Variants in BBS9 observed in about 807,000 individuals in gnomAD.
BBS9 encodes protein PTHB1.
In BBS9, 89 loss-of-function variants were observed where a neutral mutation model predicts 117.7. The ratio of observed to expected loss-of-function variants is 0.76; its 90% CI spans 0.64 to 0.90. BBS9 has a LOEUF of 0.90. Among genes scored for constraint, BBS9 ranks in the 40% least tolerant of loss-of-function variants. The pLI is 0.00. For missense variants in BBS9, 982 were observed against 1,042.2 expected, an observed-to-expected ratio of 0.94 and a Z score of 0.80; for synonymous variants, 379 against 370.9, an observed-to-expected ratio of 1.02 and a Z score of -0.25.
chr7:33,210,345 G>A (rs990646195), intron 5 of BBS9, among the ~76,000 whole-genome samples: 2 of 152,176 alleles, frequency 1.3e-5, no homozygotes, highest in Admixed American at 6.5e-5. Context: ...TCCATATGCT[G>A]AGGAGAAGAA....
chr7:33,387,357 G>A (rs1826212102), intron 18 of BBS9, among the ~76,000 whole-genome samples: 3 of 152,046 alleles, frequency 2.0e-5, no homozygotes, highest in Admixed American at 2.0e-4. Context: ...ATTTCTGTTA[G>A]GTTGTGGTCT....
intron 9 of BBS9, among the ~76,000 whole-genome samples, chr7:33,284,803 G>T (rs1313351554): frequency 6.6e-6 from 1 of 152,052 alleles, no homozygotes; most frequent in East Asian, 1.9e-4. Context: ...AGAAACCACG[G>T]CACTGGTTTT....
At chr7:33,191,741 A>C (rs543608290) in intron 5 of BBS9, among the ~76,000 whole-genome samples, 1 of 152,346 alleles carries the variant, frequency 6.6e-6, no homozygotes, top group Non-Finnish European at 1.5e-5. Context: ...ATCATTTGTC[A>C]TGATTTTAGG....
intron 9 of BBS9, among the ~76,000 whole-genome samples, chr7:33,276,304 G>A (rs1403030002): frequency 6.6e-6 from 1 of 152,166 alleles, no homozygotes; most frequent in African/African-American, 2.4e-5. Context: ...TAAGCTGTAT[G>A]CTACAGTTAT....
intron 20 of BBS9, among the ~76,000 whole-genome samples, chr7:33,507,707 A>T (rs1298538564): frequency 6.6e-6 from 1 of 152,232 alleles, no homozygotes; most frequent in Non-Finnish European, 1.5e-5. Flanking sequence ...GAAAACTAAC[A>T]AATGGTGACC....
intron 21 of BBS9, among the ~76,000 whole-genome samples, chr7:33,558,971 C>T (rs1365709581): frequency 6.6e-6 from 1 of 152,184 alleles, no homozygotes; most frequent in Non-Finnish European, 1.5e-5. Flanking sequence ...CATTCCTGAC[C>T]TTCTTCCCCT....
At chr7:33,539,565 A>G (rs1851949997) in intron 21 of BBS9, among the ~76,000 whole-genome samples, 3 of 152,262 alleles carry the variant, frequency 2.0e-5, no homozygotes. Flanking sequence ...TGCATACTCA[A>G]CTTTGGCCTT....
At chr7:33,516,547 G>GAAAT (rs1847848318) in intron 20 of BBS9, among the ~76,000 whole-genome samples, 2 of 130,690 alleles carry the variant, frequency 1.5e-5, no homozygotes, top group African/African-American at 5.7e-5. Flanking sequence ...ACAGAGTAAA[G>GAAAT]AAATTATCAC....
intron 14 of BBS9, 194 bp downstream of exon 14, chr7:33,351,517 C>T (rs547403773): frequency 1.5e-5 from 9 of 603,288 alleles, no homozygotes; most frequent in African/African-American, 1.3e-4. Context: ...TAGCTGATTT[C>T]CATATGTAAT....
intron 19 of BBS9, among the ~76,000 whole-genome samples, chr7:33,407,760 T>G (rs1830310340): frequency 2.0e-5 from 3 of 152,206 alleles, no homozygotes; most frequent in African/African-American, 4.8e-5. Context: ...ATTTTTGTGA[T>G]CCGCCAATGC....
chr7:33,393,166 AAAACAAACAAAC>A (rs752090932), intron 19 of BBS9, among the ~76,000 whole-genome samples: 190 of 152,248 alleles, frequency 1.2e-3, no homozygotes, highest in African/African-American at 4.4e-3. Flanking sequence ...ACCCTGTCTC[AAAACAAACAAAC>A]AAACAAACAA....
chr7:33,557,597 G>A (rs1233980195), intron 21 of BBS9, among the ~76,000 whole-genome samples: 1 of 152,168 alleles, frequency 6.6e-6, no homozygotes, highest in African/African-American at 2.4e-5. Context: ...GACCATGCCA[G>A]CTGATGAGGG....
At chr7:33,193,610 C>T (rs10240664) in intron 5 of BBS9, among the ~76,000 whole-genome samples, 24,256 of 151,934 alleles carry the variant, frequency 0.16, 2,219 homozygotes, top group South Asian at 0.26. Flanking sequence ...TCCTGACGTA[C>T]TGTTTTGACG....
chr7:33,262,804 C>T (rs1007454518), intron 6 of BBS9, among the ~76,000 whole-genome samples: 2 of 152,150 alleles, frequency 1.3e-5, no homozygotes, highest in Non-Finnish European at 2.9e-5. Context: ...TCTTTACCAG[C>T]GTGATAGAAT....
chr7:33,326,237 CT>C (rs1287522481), intron 9 of BBS9, among the ~76,000 whole-genome samples: 23 of 151,436 alleles, frequency 1.5e-4, no homozygotes, highest in Non-Finnish European at 2.1e-4. Flanking sequence ...CTCCCCTCCC[CT>C]CCCCCTCCCC....
At chr7:33,526,066 G>A (rs983654246) in intron 20 of BBS9, among the ~76,000 whole-genome samples, 1 of 151,506 alleles carries the variant, frequency 6.6e-6, no homozygotes, top group African/African-American at 2.4e-5. Context: ...TAAGAATGTT[G>A]AATATTGGCC....
chr7:33,148,892 G>A (rs1420457043), intron 2 of BBS9, among the ~76,000 whole-genome samples: 1 of 152,178 alleles, frequency 6.6e-6, no homozygotes, highest in Admixed American at 6.5e-5. Flanking sequence ...CCAAAGTGCT[G>A]GGATTATTGG....
Position 33,350,593 on chromosome 7 carries a change from T to C in BBS9, c.1433-626T>C, listed in dbSNP as rs576508010. Reference sequence around the variant, plus strand: ...GATAAATTGCTATTTTCCTCCCAAATTCTCTTGCCCTTTTGTGTACCGTTT... The same window carrying C: ...GATAAATTGCTATTTTCCTCCCAAACTCTCTTGCCCTTTTGTGTACCGTTT... On this transcript the variant is annotated intron_variant, in intron 13 of 22. Transcript: ENST00000242067. Among the ~76,000 whole-genome samples, 3 of 152,312 alleles carry C rather than the reference T, an allele frequency of 2.0e-5. No individual in the cohort carries two copies. The South Asian group carries it at 6.2e-4, about 32-fold the overall frequency.
intron 19 of BBS9, among the ~76,000 whole-genome samples, chr7:33,420,168 A>G (rs529449334): frequency 1.3e-5 from 2 of 152,276 alleles, no homozygotes; most frequent in South Asian, 4.2e-4. Flanking sequence ...TCTGGTTTTC[A>G]ACCCTGACTA....
Sources: gnomAD v4.1 joint callset for allele counts (sites outside exome capture counted in the v4.1 genomes callset) on GRCh38, gnomAD v4.1.1 for gene constraint, MANE v1.5 for transcripts, NCBI Gene and HGNC (gene_info 2026-07-23, HGNC 2026-07-21) for gene names.